KCNN2: variants seen among roughly 807,000 people sequenced by gnomAD.
KCNN2 encodes small conductance calcium-activated potassium channel protein 2.
Under a neutral mutation model 55.5 loss-of-function variants are expected in KCNN2, and 24 were observed. The observed-to-expected ratio is 0.43, with a 90% CI of 0.31 to 0.61. KCNN2 has a LOEUF of 0.61. KCNN2 is among the 20% of genes least tolerant of loss of function. The pLI is 0.08. For synonymous variants in KCNN2, 431 were observed against 336.1 expected, an observed-to-expected ratio of 1.28 and a Z score of -3.09; for missense variants, 754 against 853.6, an observed-to-expected ratio of 0.88 and a Z score of 1.45.
chr5:114,478,794 A>G (rs1354625323), intron 5 of KCNN2, among the ~76,000 whole-genome samples: 3 of 152,182 alleles, frequency 2.0e-5, no homozygotes, highest in Non-Finnish European at 4.4e-5. Flanking sequence ...ATCTGGCCAA[A>G]CTAAGCTTCG....
chr5:114,107,232 A>T (rs562526243), intron 1 of KCNN2, among the ~76,000 whole-genome samples: 2 of 151,968 alleles, frequency 1.3e-5, no homozygotes, highest in African/African-American at 4.8e-5. Flanking sequence ...AGAGTTCTCT[A>T]TTTTGTTCCA....
At chr5:114,106,660 G>T (rs115971426) in intron 1 of KCNN2, among the ~76,000 whole-genome samples, 19,284 of 86,364 alleles carry the variant, frequency 0.22, 1,407 homozygotes, top group Middle Eastern at 0.29. Flanking sequence ...TTTTTTTTTT[G>T]GTCATTTGGA....
At chr5:114,092,163 C>A (rs1751158575) in intron 1 of KCNN2, among the ~76,000 whole-genome samples, 1 of 152,190 alleles carries the variant, frequency 6.6e-6, no homozygotes. Context: ...GGGGTGGGTA[C>A]AGGCATTGGG....
intron 2 of KCNN2, among the ~76,000 whole-genome samples, chr5:114,349,201 G>A (rs1016473771): frequency 2.0e-5 from 3 of 151,950 alleles, no homozygotes; most frequent in Non-Finnish European, 4.4e-5. Context: ...TCTTTTCAAG[G>A]TTCATCCGTG....
chr5:114,169,545 A>G (rs1580584057), intron 1 of KCNN2, among the ~76,000 whole-genome samples: 1 of 152,084 alleles, frequency 6.6e-6, no homozygotes, highest in Non-Finnish European at 1.5e-5. Context: ...TGGAACTTTT[A>G]TCTCCTCTGC....
chr5:114,383,641 T>G (rs72799694), intron 2 of KCNN2, among the ~76,000 whole-genome samples: 10,942 of 152,156 alleles, frequency 0.072, 526 homozygotes, highest in Non-Finnish European at 0.1. Flanking sequence ...CTAATTTTTG[T>G]ATTTTTAGTA....
chr5:114,364,841 G>A (rs1420095839), intron 2 of KCNN2, among the ~76,000 whole-genome samples: 2 of 151,500 alleles, frequency 1.3e-5, no homozygotes, highest in South Asian at 2.1e-4. Context: ...TGGGAGGCGC[G>A]GTGGCTCAGT....
At chr5:114,381,589 A>C (rs1375639892) in intron 2 of KCNN2, among the ~76,000 whole-genome samples, 3 of 152,220 alleles carry the variant, frequency 2.0e-5, no homozygotes, top group Non-Finnish European at 4.4e-5. Flanking sequence ...GGATCACAGC[A>C]TGTCCTACTG....
At chr5:114,184,335 G>A (rs1009122839) in intron 1 of KCNN2, among the ~76,000 whole-genome samples, 11 of 152,094 alleles carry the variant, frequency 7.2e-5, no homozygotes, top group Admixed American at 2.0e-4. Context: ...TTATCAGATT[G>A]GCAGCAAGGT....
intron 2 of KCNN2, among the ~76,000 whole-genome samples, chr5:114,270,660 C>T (rs1755309304): frequency 6.6e-6 from 1 of 152,108 alleles, no homozygotes; most frequent in South Asian, 2.1e-4. Context: ...CCATTATGGG[C>T]AAGTTGGTGA....
At chr5:114,317,402 C>A (rs1756522076) in intron 2 of KCNN2, among the ~76,000 whole-genome samples, 1 of 152,234 alleles carries the variant, frequency 6.6e-6, no homozygotes, top group Non-Finnish European at 1.5e-5. Flanking sequence ...CTTCAGAGAT[C>A]CCAGCTTCTT....
At chr5:114,150,807 G>C (rs889975089) in intron 1 of KCNN2, among the ~76,000 whole-genome samples, 1 of 152,050 alleles carries the variant, frequency 6.6e-6, no homozygotes, top group Non-Finnish European at 1.5e-5. Context: ...AGATCACCTC[G>C]GGTTGGGAGT....
chr5:114,091,144 G>A (rs80236643), intron 1 of KCNN2, among the ~76,000 whole-genome samples: 2,361 of 152,210 alleles, frequency 0.016, 56 homozygotes, highest in African/African-American at 0.053. Flanking sequence ...CCAGCTGTGT[G>A]CCCTAGAGTT....
chr5:114,187,868 G>A (rs1370748565), intron 1 of KCNN2, among the ~76,000 whole-genome samples: 8 of 149,058 alleles, frequency 5.4e-5, no homozygotes, highest in African/African-American at 2.0e-4. Flanking sequence ...AGGCTGGAGT[G>A]CAGTGGCGCA....
chr5:114,147,739 T>C (rs1353585429), intron 1 of KCNN2, among the ~76,000 whole-genome samples: 2 of 152,152 alleles, frequency 1.3e-5, no homozygotes, highest in African/African-American at 2.4e-5. Flanking sequence ...TCTGAGATAA[T>C]TGATGTCACC....
At chr5:114,149,261 G>A (rs1467273364) in intron 1 of KCNN2, among the ~76,000 whole-genome samples, 1 of 152,106 alleles carries the variant, frequency 6.6e-6, no homozygotes, top group Non-Finnish European at 1.5e-5. Context: ...TGTACCTGGA[G>A]ACCTTATCGT....
chr5:114,098,573 C>T (rs1028146712), intron 1 of KCNN2, among the ~76,000 whole-genome samples: 2 of 151,990 alleles, frequency 1.3e-5, no homozygotes, highest in African/African-American at 4.8e-5. Flanking sequence ...GGAACAGATT[C>T]ATCCTGAAAC....
At chr5:114,062,534 C>T (rs116394729) in intron 1 of KCNN2, among the ~76,000 whole-genome samples, 7,728 of 152,180 alleles carry the variant, frequency 0.051, 224 homozygotes, top group Non-Finnish European at 0.059. Flanking sequence ...TTGAAGAGGG[C>T]CTTTTAATTT....
chr5:114,361,705 C>G (rs1481712721), upstream of KCNN2, among the ~76,000 whole-genome samples: 1 of 152,178 alleles, frequency 6.6e-6, no homozygotes, highest in Non-Finnish European at 1.5e-5. Context: ...CCGGGCAGCG[C>G]GTCCGGCACT....
Sources: allele counts gnomAD v4.1 joint callset (sites outside exome capture counted in the v4.1 genomes callset), GRCh38; gene constraint gnomAD v4.1.1; transcripts MANE v1.5; gene names NCBI Gene and HGNC (gene_info 2026-07-23, HGNC 2026-07-21).